Variants in LUZP1 observed in about 807,000 individuals in gnomAD.
LUZP1 encodes the protein filamin mechanobinding actin cross-linking protein.
A neutral mutation model predicts 71.3 loss-of-function variants in LUZP1; 25 were observed. The observed-to-expected ratio is 0.35, with a 90% CI of 0.26 to 0.49. The LOEUF is 0.49. Among genes scored for constraint, LUZP1 ranks in the 20% least tolerant of loss-of-function variants. LUZP1 has a pLI of 0.99. For missense variants in LUZP1, 1,142 were observed against 1,300.8 expected, an observed-to-expected ratio of 0.88 and a Z score of 1.88; for synonymous variants, 481 against 506.4, an observed-to-expected ratio of 0.95 and a Z score of 0.67.
At chr1:23,083,674 A>ACTT (rs528145199), downstream of LUZP1, 31 of 206,728 alleles carry the variant, frequency 1.5e-4, no homozygotes, top group South Asian at 2.5e-3. Flanking sequence ...TGAGAATAAA[A>ACTT]CTTCATATAA....
chr1:23,147,640 A>G (rs1569669528), intron 2 of LUZP1, among the ~76,000 whole-genome samples: 1 of 146,296 alleles, frequency 6.8e-6, no homozygotes, highest in Non-Finnish European at 1.5e-5. Context: ...AAAAAAAATT[A>G]AATGGATTAT....
intron 1 of LUZP1, among the ~76,000 whole-genome samples, chr1:23,172,753 G>T (rs114101712): frequency 6.6e-6 from 1 of 151,132 alleles, no homozygotes; most frequent in Non-Finnish European, 1.5e-5. Context: ...GGGCTCAAGC[G>T]ATCCTTTAGC....
chr1:23,090,821 G>C (rs962179956), intron 4 of LUZP1: 6 of 714,788 alleles, frequency 8.4e-6, no homozygotes, highest in Non-Finnish European at 1.6e-5. Context: ...CTGTTGCCCA[G>C]AGCTCCCCAT....
intron 2 of LUZP1, among the ~76,000 whole-genome samples, chr1:23,148,902 CA>C (rs1644362271): frequency 6.6e-6 from 1 of 151,610 alleles, no homozygotes; most frequent in African/African-American, 2.4e-5. Context: ...CTAGGAAACA[CA>C]GACCAATCTC....
rs79067405 is a variant in LUZP1, at chr1:23,164,535, A to C, written c.-226+4231T>G. On this transcript the variant is annotated intron_variant, in intron 2 of 4. Transcript: ENST00000302291. ...CACCATACAGAAACAGAATGAATAA[A>C]GATAAAATCAAAAAATAAAGAGAAG... 5.7e-3 allele frequency among the ~76,000 whole-genome samples: 867 copies of C among 152,254 alleles called. 6 individuals are homozygous for C. Among genetic ancestry groups the C allele is most frequent in the African/African-American group, 0.02 (811 of 41,558 alleles).
chr1:23,123,964 T>C (rs961322378), intron 2 of LUZP1, among the ~76,000 whole-genome samples: 9 of 151,962 alleles, frequency 5.9e-5, no homozygotes, highest in Non-Finnish European at 1.0e-4. Context: ...CATCTCTCTT[T>C]AAAAAAACAA....
rs1463578360 is a variant in LUZP1, at chr1:23,084,051, T to TA, written c.*4843dup. 2.0e-5 allele frequency: 3 copies of TA among 152,224 alleles called. No homozygotes were observed. In the East Asian group the frequency reaches 5.8e-4, roughly 29 times the overall value. 9.4% of individuals were successfully genotyped at this position (152,224 alleles called of 1,614,324 possible). ...AGCCTTTGGGAGACCAGTCTGCCTT[T>TA]ATTCCTGATTCCCTCCATGGGTATG... On this transcript the variant is annotated 3_prime_UTR_variant, in exon 5 of 5. Transcript: ENST00000302291.
intron 3 of LUZP1, among the ~76,000 whole-genome samples, chr1:23,101,991 A>C (rs979994254): frequency 6.6e-6 from 1 of 151,938 alleles, no homozygotes; most frequent in African/African-American, 2.4e-5. Context: ...ACCATCTTAC[A>C]TAAGATAGCA....
chr1:23,093,551 T>G lies in LUZP1; in HGVS notation c.711A>C (p.Arg237Ser), dbSNP rs1643875915. 3 of 1,613,974 alleles carry G rather than the reference T, an allele frequency of 1.9e-6. No homozygotes were observed. The highest frequency in any genetic ancestry group is 1.6e-4 in the Middle Eastern group (1 of 6,062). The change falls in exon 4 of 5, where the codon AGA becomes AGC. Residue 237 changes from arginine to serine, a missense_variant. By Grantham distance (110) the Arg-to-Ser change is moderately radical. Coordinates refer to ENST00000302291, the Ensembl canonical transcript of LUZP1. This position sits in a 1 kb window ranked among gnomAD's most constrained non-coding sequence, Gnocchi z 4.2. ...TGCCATCCTCAATCCGTAGGTCATTTCTTTCCAGATTAGAAGCATTCCTTG... is the reference window on the plus strand; with the variant it reads ...TGCCATCCTCAATCCGTAGGTCATTGCTTTCCAGATTAGAAGCATTCCTTG...
chr1:23,117,474 T>TCCCCC (rs1644090396), intron 2 of LUZP1, among the ~76,000 whole-genome samples: 1 of 29,502 alleles, frequency 3.4e-5, no homozygotes, highest in African/African-American at 2.3e-4. Context: ...TCTCTCTCTC[T>TCCCCC]CTCCCCCCCC....
intron 2 of LUZP1, among the ~76,000 whole-genome samples, chr1:23,164,810 A>G (rs1250896376): frequency 6.6e-6 from 1 of 152,354 alleles, no homozygotes; most frequent in East Asian, 1.9e-4. Context: ...AAGGCCTTCA[A>G]CCACTTTACA....
rs114101712 is a variant in LUZP1, at chr1:23,172,753, G to A, written c.-484-3729C>T. ...TGGTCTCGAATGCCTGGGCTCAAGC[G>A]ATCCTTTAGCTTTGTCCTCCCAAAG... On this transcript the variant is annotated intron_variant, in intron 1 of 4. Coordinates refer to ENST00000302291, the Ensembl canonical transcript of LUZP1. Among the ~76,000 whole-genome samples the A allele has an allele frequency of 9.9e-3, 1,500 of 151,252 alleles. 24 individuals carry two copies. Among genetic ancestry groups the A allele is most frequent in the African/African-American group, 0.035 (1,439 of 41,252 alleles).
At chr1:23,140,831 G>C (rs535345180) in intron 2 of LUZP1, 1 of 152,474 alleles carries the variant, frequency 6.6e-6, no homozygotes, top group Non-Finnish European at 1.5e-5. Flanking sequence ...ATCTCTCCCT[G>C]GTCACTCTGC....
intron 3 of LUZP1, among the ~76,000 whole-genome samples, chr1:23,102,214 G>C (rs1377032513): frequency 6.6e-6 from 1 of 152,138 alleles, no homozygotes; most frequent in East Asian, 1.9e-4. Context: ...CCCTACATTA[G>C]TACCTGGCTC....
chr1:23,098,049 C>T (rs889057560), intron 3 of LUZP1, among the ~76,000 whole-genome samples: 1 of 152,304 alleles, frequency 6.6e-6, no homozygotes, highest in Admixed American at 6.5e-5. Context: ...CTTGAAATTC[C>T]TGGTAATGAT....
At chr1:23,149,489 T>C (rs1644367030) in intron 2 of LUZP1, among the ~76,000 whole-genome samples, 1 of 152,048 alleles carries the variant, frequency 6.6e-6, no homozygotes, top group Admixed American at 6.6e-5. Flanking sequence ...TCAAGGAAGA[T>C]GATCAACAAC....
chr1:23,108,396 C>G (rs1644000689), intron 3 of LUZP1, among the ~76,000 whole-genome samples: 1 of 149,622 alleles, frequency 6.7e-6, no homozygotes, highest in Non-Finnish European at 1.5e-5. Context: ...ACTGCTTTAG[C>G]CCAGCAGTTT....
intron 3 of LUZP1, among the ~76,000 whole-genome samples, chr1:23,103,170 C>CT (rs1643945094): frequency 6.6e-6 from 1 of 151,492 alleles, no homozygotes; most frequent in African/African-American, 2.4e-5. Context: ...CTCCTGGACT[C>CT]AAGCCATCCT....
At chr1:23,153,109 C>T (rs1644396444) in intron 2 of LUZP1, among the ~76,000 whole-genome samples, 1 of 152,090 alleles carries the variant, frequency 6.6e-6, no homozygotes. Context: ...CAATGATTCC[C>T]AAATGTTAGC....
Sources: gnomAD v4.1 joint callset for allele counts (sites outside exome capture counted in the v4.1 genomes callset) on GRCh38, gnomAD v4.1.1 for gene constraint, Gnocchi (gnomAD v3.1) non-coding constraint, MANE v1.5 for transcripts, NCBI Gene and HGNC (gene_info 2026-07-23, HGNC 2026-07-21) for gene names.